The following IL1RAPL1 variants were observed in gnomAD, a reference collection of about 807,000 sequenced individuals.
The protein encoded by IL1RAPL1 is interleukin-1 receptor accessory protein-like 1.
A neutral mutation model predicts 48.4 loss-of-function variants in IL1RAPL1; 3 were observed. The observed-to-expected ratio is 0.06, with a 90% CI of 0.03 to 0.16. The LOEUF (loss-of-function observed/expected upper bound fraction) is 0.16. Ranked by LOEUF, IL1RAPL1 falls within the 10% of genes least tolerant of loss-of-function variation. The pLI, the probability that IL1RAPL1 is intolerant of heterozygous loss-of-function variation, is 1.00. For missense variants in IL1RAPL1, 349 were observed against 530.6 expected (o/e 0.66, Z 3.36); for synonymous variants, 185 against 187.7 (o/e 0.99, Z 0.12).
chrX:29,792,506 C>A (rs145619697), intron 6 of IL1RAPL1, among the ~76,000 whole-genome samples: 1 of 111,463 alleles, frequency 9.0e-6, no homozygotes, highest in African/African-American at 3.3e-5. Context: ...GAAATACTCT[C>A]GGAATGATTA....
intron 2 of IL1RAPL1, among the ~76,000 whole-genome samples, chrX:28,798,615 G>C (rs1936640663): frequency 8.9e-6 from 1 of 112,074 alleles, no homozygotes; most frequent in South Asian, 3.7e-4. Flanking sequence ...TCTTTCTAGA[G>C]AACATTATTT....
At chrX:29,335,644 T>A (rs1295555261) in intron 3 of IL1RAPL1, among the ~76,000 whole-genome samples, 1 of 110,523 alleles carries the variant, frequency 9.0e-6, no homozygotes, top group Non-Finnish European at 1.9e-5. Context: ...ACAATTCCAA[T>A]ATATGTTAGA....
intron 6 of IL1RAPL1, among the ~76,000 whole-genome samples, chrX:29,702,389 C>A (rs1490945078): frequency 9.0e-6 from 1 of 111,288 alleles, no homozygotes; most frequent in Non-Finnish European, 1.9e-5. Context: ...AGCTGGGGAC[C>A]AATGACAAAC....
chrX:28,691,190 C>T (rs1190436084), intron 1 of IL1RAPL1, among the ~76,000 whole-genome samples: 1 of 110,793 alleles, frequency 9.0e-6, no homozygotes, highest in Non-Finnish European at 1.9e-5. Flanking sequence ...GATATGCCAT[C>T]TTACTCTCTG....
At chrX:28,842,682 T>C (rs1395192039) in intron 2 of IL1RAPL1, among the ~76,000 whole-genome samples, 1 of 112,019 alleles carries the variant, frequency 8.9e-6, no homozygotes, top group African/African-American at 3.2e-5. Flanking sequence ...AAATTTGCTG[T>C]ATTATAAAAC....
chrX:29,099,777 CCTTCATTTTAGT>C (rs1467182944), intron 2 of IL1RAPL1, among the ~76,000 whole-genome samples: 2 of 111,730 alleles, frequency 1.8e-5, no homozygotes, highest in African/African-American at 6.5e-5. Context: ...AAATAATCTC[CCTTCATTTTAGT>C]CTTTTTATGT....
chrX:28,721,057 G>A (rs1413086554), intron 1 of IL1RAPL1, among the ~76,000 whole-genome samples: 2 of 112,123 alleles, frequency 1.8e-5, no homozygotes, highest in Non-Finnish European at 3.8e-5. Context: ...ATAAACATAC[G>A]TGTGCATGTG....
intron 5 of IL1RAPL1, among the ~76,000 whole-genome samples, chrX:29,591,772 A>G (rs1261436851): frequency 1.8e-5 from 2 of 112,687 alleles, no homozygotes; most frequent in African/African-American, 3.2e-5. Context: ...TTGCAGGCCC[A>G]AGTGGACTCA....
intron 2 of IL1RAPL1, among the ~76,000 whole-genome samples, chrX:28,931,045 A>C (rs1411701859): frequency 9.0e-6 from 1 of 111,211 alleles, no homozygotes; most frequent in Admixed American, 9.6e-5. Flanking sequence ...GGGTTTTTTG[A>C]AAATGTGTAT....
rs189782563 is a variant in IL1RAPL1, at chrX:28,793,636, T to A, written c.82+4211T>A. 5.4e-3 allele frequency among the ~76,000 whole-genome samples: 600 copies of A among 111,295 alleles called. 2 individuals carry two copies. The highest frequency in any genetic ancestry group is 0.018 in the African/African-American group (548 of 30,632). Reference sequence around the variant, plus strand: ...CATTTTAAAATGGTGTATAAGAAAATCTGCAGTAAGATTTGGGAGCAGGGA... The same window carrying A: ...CATTTTAAAATGGTGTATAAGAAAAACTGCAGTAAGATTTGGGAGCAGGGA... On this transcript the variant is annotated intron_variant, in intron 2 of 10. Coordinates refer to ENST00000378993, the MANE Select transcript of IL1RAPL1 (RefSeq NM_014271.4).
intron 9 of IL1RAPL1, among the ~76,000 whole-genome samples, chrX:29,949,996 C>A (rs1367195908): frequency 4.5e-5 from 5 of 111,766 alleles, no homozygotes; most frequent in Non-Finnish European, 3.8e-5. Flanking sequence ...AATGCCTAAC[C>A]CATTACTGCA....
intron 6 of IL1RAPL1, among the ~76,000 whole-genome samples, chrX:29,803,032 T>C (rs193138838): frequency 4.1e-4 from 34 of 82,667 alleles, no homozygotes; most frequent in African/African-American, 9.6e-4. Context: ...TATACATGTA[T>C]GCATATATAC....
chrX:29,809,980 T>A lies in IL1RAPL1; in HGVS notation c.779-107484T>A, dbSNP rs1047264249. Among the ~76,000 whole-genome samples, 3 of 110,845 alleles carry A rather than the reference T, an allele frequency of 2.7e-5. No individual in the cohort carries two copies. The East Asian group carries it at 8.4e-4, about 31-fold the overall frequency. On this transcript the variant is annotated intron_variant, in intron 6 of 10. Transcript: ENST00000378993. ...ATGGTTATTTAGTTCTAAATTTTTT[T>A]AAGCAGAGTGTAGTATTATTCCACA...
chrX:29,626,392 T>C (rs1057285226), intron 5 of IL1RAPL1, among the ~76,000 whole-genome samples: 1 of 111,854 alleles, frequency 8.9e-6, no homozygotes, highest in Non-Finnish European at 1.9e-5. Context: ...TCTTTTTGAG[T>C]GGTTACAGTG....
chrX:29,259,651 G>A, intron 2 of IL1RAPL1, among the ~76,000 whole-genome samples: 1 of 111,009 alleles, frequency 9.0e-6, no homozygotes, highest in South Asian at 3.7e-4. Flanking sequence ...TTTCAAAGTT[G>A]TATTACTACT....
In IL1RAPL1 at chrX:29,590,609, CT is replaced by C. The variant is rs761173166; in HGVS notation, c.704-77819del. Among the ~76,000 whole-genome samples, 204 of 111,707 alleles carry C rather than the reference CT, an allele frequency of 1.8e-3. 1 individual carries two copies. The highest frequency in any genetic ancestry group is 3.4e-3 in the Admixed American group (36 of 10,515). On this transcript the variant is annotated intron_variant, in intron 5 of 10. Transcript: ENST00000378993. ...AATTCTTAATAGGATGGCAGTGTCTCTTGCTGACCCGCCCATGCTCCTTGAC... is the reference window on the plus strand; with the variant it reads ...AATTCTTAATAGGATGGCAGTGTCTCTGCTGACCCGCCCATGCTCCTTGAC...
chrX:29,786,093 T>C (rs1022947704), intron 6 of IL1RAPL1, among the ~76,000 whole-genome samples: 3 of 109,175 alleles, frequency 2.7e-5, no homozygotes, highest in African/African-American at 1.0e-4. Context: ...CTTGTGAAAA[T>C]AGAAACAGGA....
chrX:29,185,536 A>G (rs948463108), intron 2 of IL1RAPL1, among the ~76,000 whole-genome samples: 23 of 112,197 alleles, frequency 2.0e-4, no homozygotes, highest in African/African-American at 6.5e-4. Flanking sequence ...ACGCTTGATC[A>G]AGATTAGCTA....
intron 6 of IL1RAPL1, among the ~76,000 whole-genome samples, chrX:29,813,008 G>A (rs1456313371): frequency 9.0e-6 from 1 of 111,247 alleles, no homozygotes; most frequent in Non-Finnish European, 1.9e-5. Flanking sequence ...GACTCCCCGT[G>A]CCCTGTGTGC....
Sources: gnomAD v4.1 joint callset for allele counts (sites outside exome capture counted in the v4.1 genomes callset) on GRCh38, gnomAD v4.1.1 for gene constraint, MANE v1.5 for transcripts, NCBI Gene and HGNC (gene_info 2026-07-23, HGNC 2026-07-21) for gene names.